Variants in RASSF9 observed in about 807,000 individuals in gnomAD.
The protein encoded by RASSF9 is Ras association domain family member 9, also known as ras association domain-containing protein 9.
In RASSF9, 18 loss-of-function variants were observed where a neutral mutation model predicts 21.4. That is an observed-to-expected ratio of 0.84 (90% confidence interval 0.58 to 1.25). The LOEUF is 1.25. Ranked by LOEUF, RASSF9 falls within the 50% of genes most tolerant of loss-of-function variation. RASSF9 has a pLI of 0.00. For synonymous variants in RASSF9, 183 were observed against 179.1 expected, an observed-to-expected ratio of 1.02 and a Z score of -0.18; for missense variants, 480 against 503.2, an observed-to-expected ratio of 0.95 and a Z score of 0.44.
At position 85,801,837 on chromosome 12, in the gene RASSF9, A is replaced by G. The variant is rs1167396400; in HGVS notation, c.*2865T>C. 1 of 152,212 alleles carries G rather than the reference A, an allele frequency of 6.6e-6. No individual in the cohort carries two copies. The highest frequency in any genetic ancestry group is 1.5e-5 in the Non-Finnish European group (1 of 68,060). The allele number at this position is 152,212 out of a possible 1,614,324, so 9.4% of individuals were successfully genotyped here. ...CTCAAGGAAAAAAAAAATAGAATTC[A>G]TTGAAGGAGGGGAATTAGGTAAGTG... On this transcript the variant is annotated 3_prime_UTR_variant, in exon 2 of 2. Transcript: ENST00000361228.
chr12:85,818,120 G>C (rs1251760758), intron 1 of RASSF9, among the ~76,000 whole-genome samples: 1 of 152,116 alleles, frequency 6.6e-6, no homozygotes, highest in Non-Finnish European at 1.5e-5. Context: ...AAAATAGTAA[G>C]ATAACTAAAG....
intron 1 of RASSF9, among the ~76,000 whole-genome samples, chr12:85,819,728 G>A (rs760852483): frequency 3.9e-5 from 6 of 152,188 alleles, no homozygotes; most frequent in Non-Finnish European, 7.3e-5. Context: ...GCCAATGACT[G>A]ATAGATAGTT....
chr12:85,810,837 A>G (rs1034192909), intron 1 of RASSF9, among the ~76,000 whole-genome samples: 1 of 151,912 alleles, frequency 6.6e-6, no homozygotes, highest in African/African-American at 2.4e-5. Context: ...GAGACACACA[A>G]CCTCTGATTC....
Position 85,804,290 on chromosome 12 carries a change from C to A in RASSF9, c.*412G>T. ...ATATACTTTACAGATTTAAAAATTC[C>A]AATTATACAGTGTTGGAAAAATATA... On this transcript the variant is annotated 3_prime_UTR_variant, in exon 2 of 2. Transcript: ENST00000361228. The A allele has an allele frequency of 6.3e-6, 1 of 158,308 alleles. No homozygotes were observed. Among genetic ancestry groups the A allele is most frequent in the Non-Finnish European group, 1.4e-5 (1 of 72,100 alleles). The allele number at this position is 158,308 out of a possible 1,614,324, so 9.8% of individuals were successfully genotyped here.
intron 1 of RASSF9, 79 bp from the exon 2 acceptor site, chr12:85,806,041 T>C: frequency 7.0e-7 from 1 of 1,436,134 alleles, no homozygotes; most frequent in Non-Finnish European, 9.3e-7. Context: ...ATTAGTATGC[T>C]TTCTAGATTT....
At chr12:85,828,620 C>T (rs1232957781) in intron 1 of RASSF9, among the ~76,000 whole-genome samples, 2 of 152,094 alleles carry the variant, frequency 1.3e-5, no homozygotes, top group African/African-American at 4.8e-5. Flanking sequence ...AAAAGTAGAA[C>T]CACAAAAATT....
At chr12:85,825,106 G>A (rs565767339) in intron 1 of RASSF9, among the ~76,000 whole-genome samples, 158 of 152,220 alleles carry the variant, frequency 1.0e-3, no homozygotes, top group Non-Finnish European at 2.0e-3. Context: ...AGGTTCAAGT[G>A]AGTCTCCTGC....
Position 85,803,155 on chromosome 12 carries a change from A to G in RASSF9, c.*1547T>C, listed in dbSNP as rs1002490990. ...GCAATATATTTTTTTAAATGAGTTA[A>G]CAATAAAGTTGCTTTAAAAAATTAA... On this transcript the variant is annotated 3_prime_UTR_variant, in exon 2 of 2. Coordinates refer to ENST00000361228, the MANE Select transcript of RASSF9 (RefSeq NM_005447.4). 2.0e-5 allele frequency: 3 copies of G among 152,172 alleles called. No individual in the cohort carries two copies. The highest frequency in any genetic ancestry group is 4.4e-5 in the Non-Finnish European group (3 of 68,010). The allele number at this position is 152,172 out of a possible 1,614,324, so 9.4% of individuals were successfully genotyped here. A position where few individuals can be genotyped will look rare whatever the true frequency, so the allele number is the denominator to read the frequency against.
intron 1 of RASSF9, among the ~76,000 whole-genome samples, chr12:85,826,920 A>G (rs1565757045): frequency 6.6e-6 from 1 of 152,182 alleles, no homozygotes; most frequent in Non-Finnish European, 1.5e-5. Flanking sequence ...CGCTGATACT[A>G]TTATGCCAAA....
intron 1 of RASSF9, among the ~76,000 whole-genome samples, chr12:85,826,366 CA>C (rs1320953546): frequency 6.6e-6 from 1 of 151,942 alleles, no homozygotes; most frequent in Non-Finnish European, 1.5e-5. Context: ...ACTCTTGAAT[CA>C]TTCTTCTCTT....
At chr12:85,820,325 A>G (rs893081646) in intron 1 of RASSF9, among the ~76,000 whole-genome samples, 11 of 152,202 alleles carry the variant, frequency 7.2e-5, no homozygotes, top group African/African-American at 2.4e-4. Context: ...CACAAACCTT[A>G]AAATATTTAC....
chr12:85,819,174 T>A (rs894366627), intron 1 of RASSF9, among the ~76,000 whole-genome samples: 27 of 151,942 alleles, frequency 1.8e-4, no homozygotes, highest in Admixed American at 3.9e-4. Flanking sequence ...GATTACTGGC[T>A]TTTTCACATA....
At chr12:85,812,093 C>A (rs1262916663) in intron 1 of RASSF9, among the ~76,000 whole-genome samples, 2 of 151,620 alleles carry the variant, frequency 1.3e-5, no homozygotes, top group African/African-American at 2.4e-5. Context: ...CATAACTACT[C>A]CACACAATTA....
At chr12:85,811,007 T>C (rs1370900615) in intron 1 of RASSF9, among the ~76,000 whole-genome samples, 1 of 151,966 alleles carries the variant, frequency 6.6e-6, no homozygotes, top group East Asian at 1.9e-4. Context: ...CCAAGATTCA[T>C]GTCCATTTTC....
At chr12:85,821,855 T>A (rs1415332533) in intron 1 of RASSF9, among the ~76,000 whole-genome samples, 3 of 152,166 alleles carry the variant, frequency 2.0e-5, no homozygotes, top group Non-Finnish European at 4.4e-5. Flanking sequence ...AGAATGTGTA[T>A]TGGAAACTAC....
intron 1 of RASSF9, among the ~76,000 whole-genome samples, chr12:85,815,885 C>A (rs1284802409): frequency 6.6e-6 from 1 of 151,902 alleles, no homozygotes; most frequent in African/African-American, 2.4e-5. Context: ...GCACTATTCA[C>A]AATAGCAAAG....
intron 1 of RASSF9, among the ~76,000 whole-genome samples, chr12:85,825,476 T>A (rs1177827652): frequency 1.3e-5 from 2 of 152,188 alleles, no homozygotes; most frequent in Admixed American, 6.5e-5. Context: ...CCCCACCACC[T>A]GTTTTTGTAA....
intron 1 of RASSF9, among the ~76,000 whole-genome samples, chr12:85,814,300 T>G (rs895921480): frequency 6.6e-6 from 1 of 152,010 alleles, no homozygotes; most frequent in Admixed American, 6.6e-5. Flanking sequence ...CATTTTTGGT[T>G]TTCACATCAG....
chr12:85,828,141 A>G (rs1249569903), intron 1 of RASSF9, among the ~76,000 whole-genome samples: 1 of 152,128 alleles, frequency 6.6e-6, no homozygotes, highest in Non-Finnish European at 1.5e-5. Context: ...TTTATCATTA[A>G]TACTTCACAA....
Sources: allele counts gnomAD v4.1 joint callset (sites outside exome capture counted in the v4.1 genomes callset), GRCh38; gene constraint gnomAD v4.1.1; transcripts MANE v1.5; gene names NCBI Gene and HGNC (gene_info 2026-07-23, HGNC 2026-07-21).